The following GPC6 variants were observed in gnomAD, a reference collection of about 807,000 sequenced individuals.
The protein encoded by GPC6 is glypican 6.
In GPC6, 14 loss-of-function variants were observed where a neutral mutation model predicts 55.2. The ratio of observed to expected loss-of-function variants is 0.25; its 90% confidence interval spans 0.17 to 0.40. The LOEUF is 0.40. Ranked by LOEUF, GPC6 falls within the 10% of genes least tolerant of loss-of-function variation. The pLI, the probability that GPC6 is intolerant of heterozygous loss-of-function variation, is 1.00. For missense variants in GPC6, 641 were observed against 708.5 expected (o/e 0.90, Z 1.08); for synonymous variants, 278 against 259.6 (o/e 1.07, Z -0.68).
intron 1 of GPC6, among the ~76,000 whole-genome samples, chr13:93,392,863 T>C (rs959300660): frequency 1.3e-5 from 2 of 152,120 alleles, no homozygotes; most frequent in South Asian, 4.1e-4. Context: ...TTTGGGAAGA[T>C]ATGTGTGATT....
chr13:94,220,509 A>G (rs1890350906), intron 4 of GPC6, among the ~76,000 whole-genome samples: 1 of 151,386 alleles, frequency 6.6e-6, no homozygotes, highest in Non-Finnish European at 1.5e-5. Flanking sequence ...GAGCCGATCT[A>G]TTTTTTTTTC....
At chr13:93,777,208 C>G (rs577728719) in intron 2 of GPC6, among the ~76,000 whole-genome samples, 20 of 152,308 alleles carry the variant, frequency 1.3e-4, no homozygotes, top group Admixed American at 1.2e-3. Flanking sequence ...AACAGGCGAT[C>G]AAGCAAGTTT....
intron 1 of GPC6, among the ~76,000 whole-genome samples, chr13:93,387,970 T>A (rs1875469910): frequency 6.6e-6 from 1 of 152,194 alleles, no homozygotes; most frequent in East Asian, 1.9e-4. Flanking sequence ...ATATCACATG[T>A]GACTATCTGA....
At chr13:93,911,321 A>G (rs1876964449) in intron 3 of GPC6, among the ~76,000 whole-genome samples, 1 of 152,198 alleles carries the variant, frequency 6.6e-6, no homozygotes, top group Admixed American at 6.5e-5. Flanking sequence ...AAATGGAAGG[A>G]CTGACCAAGG....
intron 4 of GPC6, among the ~76,000 whole-genome samples, chr13:94,119,379 C>T (rs1028805198): frequency 3.3e-5 from 5 of 151,700 alleles, no homozygotes; most frequent in African/African-American, 1.2e-4. Context: ...ATGTTTGCTC[C>T]TTTAAATGGC....
At chr13:93,304,371 G>A (rs2139098710) in intron 1 of GPC6, among the ~76,000 whole-genome samples, 1 of 152,280 alleles carries the variant, frequency 6.6e-6, no homozygotes, top group East Asian at 1.9e-4. Flanking sequence ...CTTGTCTGCT[G>A]GTAGATGGCA....
intron 4 of GPC6, among the ~76,000 whole-genome samples, chr13:94,191,631 G>A (rs2138962965): frequency 6.6e-6 from 1 of 151,044 alleles, no homozygotes; most frequent in East Asian, 1.9e-4. Flanking sequence ...AATAATAGTA[G>A]AGGCAAGTTT....
intron 1 of GPC6, among the ~76,000 whole-genome samples, chr13:93,446,461 T>C (rs1472184287): frequency 6.6e-6 from 1 of 151,628 alleles, no homozygotes; most frequent in Non-Finnish European, 1.5e-5. Flanking sequence ...TAGTAGCTGC[T>C]AGGATCATCA....
At chr13:94,094,842 A>G (rs550835999) in intron 4 of GPC6, among the ~76,000 whole-genome samples, 5 of 152,150 alleles carry the variant, frequency 3.3e-5, no homozygotes, top group Non-Finnish European at 2.9e-5. Flanking sequence ...AATGCTTACT[A>G]TGTAAATTTG....
In GPC6 at chr13:94,223,757, A is replaced by T. The variant is rs530271489; in HGVS notation, c.878-62592A>T. On this transcript the variant is annotated intron_variant, in intron 4 of 8. Transcript: ENST00000377047. ...TAGCTTCAACAAACTAAAAAGTAGC[A>T]CAGCAAGGATGCAATCCCCAGTACA... Among the ~76,000 whole-genome samples, 9 of 152,280 alleles carry T rather than the reference A, an allele frequency of 5.9e-5. No individual in the cohort carries two copies. In the East Asian group the frequency reaches 1.7e-3, roughly 29 times the overall value.
chr13:94,164,952 T>A (rs765212520), intron 4 of GPC6, among the ~76,000 whole-genome samples: 2 of 152,008 alleles, frequency 1.3e-5, no homozygotes, highest in African/African-American at 2.4e-5. Flanking sequence ...GTTGTATTCA[T>A]GAAAACTAAT....
intron 2 of GPC6, among the ~76,000 whole-genome samples, chr13:93,698,480 T>TG (rs1449727569): frequency 7.8e-6 from 1 of 127,608 alleles, no homozygotes; most frequent in Non-Finnish European, 1.7e-5. Flanking sequence ...TGCTACTGTG[T>TG]GGGTCTTTTT....
intron 3 of GPC6, among the ~76,000 whole-genome samples, chr13:93,922,594 T>TC (rs924448200): frequency 6.6e-6 from 1 of 151,986 alleles, no homozygotes; most frequent in African/African-American, 2.4e-5. Flanking sequence ...TTATTCCTCT[T>TC]CCCCCCAGCT....
chr13:94,300,839 A>ACTT (rs1242028718), intron 5 of GPC6, among the ~76,000 whole-genome samples: 1 of 152,148 alleles, frequency 6.6e-6, no homozygotes, highest in South Asian at 2.1e-4. Flanking sequence ...ACCTCTAAAA[A>ACTT]CTTCTGTTCT....
chr13:94,396,095 T>C (rs1212671078), intron 7 of GPC6, among the ~76,000 whole-genome samples: 1 of 152,180 alleles, frequency 6.6e-6, no homozygotes, highest in African/African-American at 2.4e-5. Context: ...TCTTGTTCAT[T>C]CCACTAACAA....
At chr13:94,223,771 A>G (rs1890459717) in intron 4 of GPC6, among the ~76,000 whole-genome samples, 1 of 152,182 alleles carries the variant, frequency 6.6e-6, no homozygotes, top group Non-Finnish European at 1.5e-5. Flanking sequence ...CAAGGATGCA[A>G]TCCCCAGTAC....
chr13:94,131,579 A>C (rs1335872436), intron 4 of GPC6, among the ~76,000 whole-genome samples: 1 of 152,168 alleles, frequency 6.6e-6, no homozygotes, highest in African/African-American at 2.4e-5. Flanking sequence ...TCATTAAGAA[A>C]ATATGTAATC....
At chr13:93,342,832 A>G (rs779544338) in intron 1 of GPC6, among the ~76,000 whole-genome samples, 2 of 152,192 alleles carry the variant, frequency 1.3e-5, no homozygotes, top group Non-Finnish European at 2.9e-5. Context: ...AAGTCCTACT[A>G]AATTCTGTTT....
chr13:93,428,078 C>T (rs1006943452), intron 1 of GPC6, among the ~76,000 whole-genome samples: 73 of 152,182 alleles, frequency 4.8e-4, no homozygotes, highest in African/African-American at 1.6e-3. Context: ...GTTTGAACCT[C>T]GTACCATCCT....
Sources: allele counts gnomAD v4.1 joint callset (sites outside exome capture counted in the v4.1 genomes callset), GRCh38; gene constraint gnomAD v4.1.1; transcripts MANE v1.5; gene names NCBI Gene and HGNC (gene_info 2026-07-23, HGNC 2026-07-21).